PHACTR3: variants seen among roughly 807,000 people sequenced by gnomAD.
The protein encoded by PHACTR3 is phosphatase and actin regulator 3, also known as protein phosphatase 1, regulatory subunit 123.
In PHACTR3, 16 loss-of-function variants were observed where a neutral mutation model predicts 66.8. The ratio of observed to expected loss-of-function variants is 0.24; its 90% CI spans 0.16 to 0.36. The LOEUF (loss-of-function observed/expected upper bound fraction) is 0.36, where lower values mean the gene tolerates loss of function less well. Among genes scored for constraint, PHACTR3 ranks in the 10% least tolerant of loss-of-function variants. PHACTR3 has a pLI of 1.00. For synonymous variants in PHACTR3, 323 were observed against 292.1 expected, an observed-to-expected ratio of 1.11 and a Z score of -1.08; for missense variants, 647 against 719.9, an observed-to-expected ratio of 0.90 and a Z score of 1.16.
At chr20:59,710,873 C>G (rs1010866805) in intron 1 of PHACTR3, among the ~76,000 whole-genome samples, 3 of 151,624 alleles carry the variant, frequency 2.0e-5, no homozygotes, top group Admixed American at 6.6e-5. Context: ...GGTTCAAATG[C>G]TACACCTTCA....
intron 1 of PHACTR3, among the ~76,000 whole-genome samples, chr20:59,659,718 C>A (rs1447017510): frequency 6.6e-6 from 1 of 152,256 alleles, no homozygotes; most frequent in South Asian, 2.1e-4. Context: ...GTATTACCAG[C>A]TTCGAGTGCT....
intron 7 of PHACTR3, among the ~76,000 whole-genome samples, chr20:59,776,621 C>T (rs2040547277): frequency 6.6e-6 from 1 of 152,218 alleles, no homozygotes; most frequent in African/African-American, 2.4e-5. Flanking sequence ...GATGCAGTGT[C>T]CTCACGCCTG....
intron 8 of PHACTR3, among the ~76,000 whole-genome samples, chr20:59,808,978 C>T (rs1172973629): frequency 6.6e-6 from 1 of 152,182 alleles, no homozygotes; most frequent in East Asian, 1.9e-4. Flanking sequence ...CCAGACACCG[C>T]CCAACGTCCC....
At chr20:59,709,824 CA>C (rs1274181519) in intron 1 of PHACTR3, among the ~76,000 whole-genome samples, 6 of 151,988 alleles carry the variant, frequency 3.9e-5, no homozygotes, top group Non-Finnish European at 7.4e-5. Context: ...GAGGTTGACT[CA>C]GCACTTTCCA....
intron 5 of PHACTR3, among the ~76,000 whole-genome samples, chr20:59,769,565 G>T (rs368580995): frequency 6.6e-6 from 1 of 152,176 alleles, no homozygotes; most frequent in African/African-American, 2.4e-5. Context: ...GTTGCTTTGG[G>T]CTGCCCAAGG....
chr20:59,708,374 C>T (rs1308400496), intron 1 of PHACTR3, among the ~76,000 whole-genome samples: 2 of 152,182 alleles, frequency 1.3e-5, no homozygotes, highest in Admixed American at 1.3e-4. Context: ...GGCACCACAT[C>T]CACATATCCT....
intron 2 of PHACTR3, among the ~76,000 whole-genome samples, chr20:59,747,365 C>T (rs1031003367): frequency 1.3e-5 from 2 of 152,168 alleles, no homozygotes; most frequent in Non-Finnish European, 2.9e-5. Flanking sequence ...ACAGGAACCA[C>T]GGAAAGGAGC....
intron 4 of PHACTR3, among the ~76,000 whole-genome samples, chr20:59,756,603 T>G (rs2039802841): frequency 6.6e-6 from 1 of 152,060 alleles, no homozygotes; most frequent in Admixed American, 6.5e-5. Context: ...GTCCCAGCTC[T>G]CACGCAGAGG....
At chr20:59,840,963 G>C (rs1375225195) in intron 10 of PHACTR3, among the ~76,000 whole-genome samples, 1 of 152,326 alleles carries the variant, frequency 6.6e-6, no homozygotes, top group South Asian at 2.1e-4. Context: ...CTAAATTCAA[G>C]TGTTCTGGAT....
At chr20:59,841,306 GT>G (rs111581698) in intron 10 of PHACTR3, 88 bp from the exon 11 acceptor site, 2 of 1,347,706 alleles carry the variant, frequency 1.5e-6, no homozygotes, top group Non-Finnish European at 2.0e-6. Flanking sequence ...GTTTTGTTTT[GT>G]TTTTTAAGAG....
chr20:59,629,993 A>G (rs1160815007), intron 1 of PHACTR3, among the ~76,000 whole-genome samples: 1 of 152,108 alleles, frequency 6.6e-6, no homozygotes, highest in Non-Finnish European at 1.5e-5. Context: ...TGCAGAATGC[A>G]TGAATATAGG....
In PHACTR3 at chr20:59,813,317, C is replaced by T. The variant is rs146828189; in HGVS notation, c.1328+7123C>T. ...TTTCTCTTGTCACAGTTATCATTGC[C>T]GCCCTGAAAAGGCTGCAAAGTTTGC... On this transcript the variant is annotated intron_variant, in intron 8 of 12. Transcript: ENST00000371015. Among the ~76,000 whole-genome samples, 19 of 152,302 alleles carry T rather than the reference C, an allele frequency of 1.2e-4. No individual in the cohort carries two copies. In the East Asian group the frequency reaches 2.1e-3, roughly 17 times the overall value.
chr20:59,665,348 G>A (rs1002398762), intron 1 of PHACTR3, among the ~76,000 whole-genome samples: 2 of 152,168 alleles, frequency 1.3e-5, no homozygotes, highest in East Asian at 1.9e-4. Flanking sequence ...TGGAAGGGTC[G>A]TGCTGACTTG....
At chr20:59,765,787 A>C (rs1303340109) in intron 4 of PHACTR3, among the ~76,000 whole-genome samples, 1 of 152,178 alleles carries the variant, frequency 6.6e-6, no homozygotes, top group African/African-American at 2.4e-5. Context: ...ACCTCCAGAA[A>C]CAGCAGCTGA....
chr20:59,650,740 CAAAAAA>C (rs34879994), intron 1 of PHACTR3, among the ~76,000 whole-genome samples: 2 of 61,488 alleles, frequency 3.3e-5, no homozygotes, highest in African/African-American at 1.3e-4. Flanking sequence ...GCGTTGATAG[CAAAAAA>C]AAAAAAAAAA....
intron 3 of PHACTR3, among the ~76,000 whole-genome samples, chr20:59,749,398 C>G (rs6123931): frequency 6.6e-6 from 1 of 152,188 alleles, no homozygotes; most frequent in Non-Finnish European, 1.5e-5. Context: ...GGGAAAACTT[C>G]TAGGAGCGTT....
intron 5 of PHACTR3, among the ~76,000 whole-genome samples, chr20:59,772,209 GC>G (rs752962845): frequency 3.9e-5 from 6 of 152,230 alleles, no homozygotes; most frequent in Non-Finnish European, 8.8e-5. Flanking sequence ...CACCCTGCTG[GC>G]CCGGAGCACA....
rs961562111 is a variant in PHACTR3 at position 59,577,527 on chromosome 20, G to T, written c.19G>T (p.Gly7Trp). The T allele has an allele frequency of 2.3e-5, 27 of 1,156,980 alleles. No homozygotes were observed. In the African/African-American group the frequency reaches 3.4e-4, roughly 15 times the overall value. 71.7% of individuals were successfully genotyped at this position (1,156,980 alleles called of 1,614,324 possible). A position where few individuals can be genotyped will look rare whatever the true frequency, so the allele number is the denominator to read the frequency against. Reference sequence around the variant, plus strand: ...CGGCGGGATGCGTGGCCGTGGCGGGGGGCGCGCCCGCTGTCCTGCGCCCCT... The same window carrying T: ...CGGCGGGATGCGTGGCCGTGGCGGGTGGCGCGCCCGCTGTCCTGCGCCCCT... Residue 7 changes from glycine (G) to tryptophan (W), a missense_variant, in exon 1 of 13, where the codon GGG (glycine) becomes TGG (tryptophan). Transcript: ENST00000359926.
At position 59,738,074 on chromosome 20, in the gene PHACTR3, G is replaced by A. The variant is rs953517767; in HGVS notation, c.119-5033G>A. 2.0e-4 allele frequency among the ~76,000 whole-genome samples: 31 copies of A among 152,054 alleles called. No individual in the cohort carries two copies. Among genetic ancestry groups the A allele is most frequent in the Non-Finnish European group, 3.5e-4 (24 of 68,006 alleles). On this transcript the variant is annotated intron_variant, in intron 1 of 12. Coordinates refer to ENST00000371015, the MANE Select transcript of PHACTR3 (RefSeq NM_080672.5). The surrounding 1 kb of genome is among the most constrained non-coding windows in gnomAD (Gnocchi z 4.4). The stretch of plus-strand genomic sequence containing the variant: ...CAGTGATGGTGGTAGGGAGGGGGAG[G>A]CGCCACTGCCCCTCCTGCCCACCTT...
Sources: gnomAD v4.1 joint callset for allele counts (sites outside exome capture counted in the v4.1 genomes callset) on GRCh38, gnomAD v4.1.1 for gene constraint, Gnocchi (gnomAD v3.1) non-coding constraint, MANE v1.5 for transcripts, NCBI Gene and HGNC (gene_info 2026-07-23, HGNC 2026-07-21) for gene names.